Variants in PCDH11X observed in about 807,000 individuals in gnomAD.
PCDH11X encodes protocadherin-11 X-linked.
Under a neutral mutation model 53.3 loss-of-function variants are expected in PCDH11X, and 18 were observed. The ratio of observed to expected loss-of-function variants is 0.34; its 90% CI spans 0.23 to 0.50. The LOEUF is 0.50. Ranked by LOEUF, PCDH11X falls within the 20% of genes least tolerant of loss-of-function variation. The probability of loss-of-function intolerance (pLI) is 0.98; values close to 1 mark genes in which losing one functional copy is unlikely to be tolerated. For missense variants in PCDH11X, 570 were observed against 1,032.4 expected (o/e 0.55, Z 6.14); for synonymous variants, 279 against 393.3 (o/e 0.71, Z 3.44).
At chrX:92,270,112 C>CTTTTTTTTTTT in intron 8 of PCDH11X, among the ~76,000 whole-genome samples, 1 of 95,607 alleles carries the variant, frequency 1.0e-5, no homozygotes. Flanking sequence ...GCTTCCTTTT[C>CTTTTTTTTTTT]TTTTTTTTTT....
At position 92,602,237 on chromosome X, in the gene PCDH11X, C is replaced by G. The variant is rs751606797; in HGVS notation, c.3368-16027C>G. Reference sequence around the variant, plus strand: ...GGGAAGTTCAAGCTAAGGGAGTTGTCAAAAACAGTGGAGATTTTGCTGGTA... The same window carrying G: ...GGGAAGTTCAAGCTAAGGGAGTTGTGAAAAACAGTGGAGATTTTGCTGGTA... On this transcript the variant is annotated intron_variant, in intron 10 of 10. Coordinates refer to ENST00000682573, the MANE Select transcript of PCDH11X (RefSeq NM_032968.5). Among the ~76,000 whole-genome samples, 4 of 111,082 alleles carry G rather than the reference C, an allele frequency of 3.6e-5. No individual in the cohort carries two copies. The East Asian group carries it at 1.1e-3, about 32-fold the overall frequency.
intron 9 of PCDH11X, among the ~76,000 whole-genome samples, chrX:92,389,767 G>A (rs1232232646): frequency 9.0e-6 from 1 of 110,499 alleles, no homozygotes; most frequent in East Asian, 2.8e-4. Context: ...CTTAACAGAA[G>A]CTGATCTTGT....
intron 1 of PCDH11X, among the ~76,000 whole-genome samples, chrX:91,782,372 G>T (rs1935180141): frequency 1.0e-5 from 1 of 96,943 alleles, no homozygotes; most frequent in South Asian, 5.6e-4. Flanking sequence ...TATTCACAGT[G>T]ACTTTACTTA....
chrX:92,195,633 G>A lies in PCDH11X; in HGVS notation c.3034-5742G>A, dbSNP rs187292929. Among the ~76,000 whole-genome samples the A allele has an allele frequency of 3.6e-5, 4 of 110,909 alleles. No homozygotes were observed. In the East Asian group the frequency reaches 1.1e-3, roughly 32 times the overall value. On this transcript the variant is annotated intron_variant, in intron 6 of 10. Coordinates refer to ENST00000682573, the MANE Select transcript of PCDH11X (RefSeq NM_032968.5). ...CATCATTGTAGCTTTGATGATGGCA[G>A]TTATCCTAGAAAAAAAAATGAAGTC...
chrX:91,951,355 G>T (rs1317682901), intron 6 of PCDH11X, among the ~76,000 whole-genome samples: 2 of 110,258 alleles, frequency 1.8e-5, no homozygotes, highest in Non-Finnish European at 3.8e-5. Context: ...GACTTGGAGA[G>T]TAGCCTTTCT....
At chrX:92,597,041 G>A (rs747744967) in intron 10 of PCDH11X, among the ~76,000 whole-genome samples, 2 of 110,987 alleles carry the variant, frequency 1.8e-5, no homozygotes, top group South Asian at 7.5e-4. Flanking sequence ...CATAATAAAA[G>A]CCATATATGA....
intron 6 of PCDH11X, among the ~76,000 whole-genome samples, chrX:92,044,112 AT>A (rs930578657): frequency 9.0e-6 from 1 of 110,682 alleles, no homozygotes; most frequent in African/African-American, 3.3e-5. Flanking sequence ...CAGGATTTGA[AT>A]TTTTTTAATA....
At chrX:92,060,720 A>T (rs1033626366) in intron 6 of PCDH11X, among the ~76,000 whole-genome samples, 8 of 110,788 alleles carry the variant, frequency 7.2e-5, no homozygotes, top group African/African-American at 2.6e-4. Flanking sequence ...TTCTTTACCT[A>T]GTTTAACATT....
chrX:91,864,468 A>T (rs1388895708), intron 5 of PCDH11X, among the ~76,000 whole-genome samples: 4 of 99,776 alleles, frequency 4.0e-5, no homozygotes, highest in African/African-American at 1.5e-4. Flanking sequence ...TTAGGAGTTT[A>T]ATTATTAATT....
intron 6 of PCDH11X, among the ~76,000 whole-genome samples, chrX:91,974,762 T>C (rs912835858): frequency 1.2e-4 from 13 of 109,394 alleles, no homozygotes; most frequent in African/African-American, 4.3e-4. Context: ...TTCTTTTCTT[T>C]TTTTTTTTTG....
chrX:92,046,314 G>C (rs1054474675), intron 6 of PCDH11X, among the ~76,000 whole-genome samples: 3 of 111,578 alleles, frequency 2.7e-5, no homozygotes, highest in Non-Finnish European at 5.7e-5. Context: ...AAGCATGTAG[G>C]TTTTATTTCT....
chrX:92,621,731 A>G lies in PCDH11X; in HGVS notation c.*2791A>G, dbSNP rs1175454329. 1.8e-5 allele frequency: 2 copies of G among 111,742 alleles called. No homozygotes were observed. Among genetic ancestry groups the G allele is most frequent in the African/African-American group, 6.5e-5 (2 of 30,687 alleles). 9.2% of individuals were successfully genotyped at this position (111,742 alleles called of 1,213,427 possible). On this transcript the variant is annotated 3_prime_UTR_variant, in exon 11 of 11. Coordinates refer to ENST00000682573, the MANE Select transcript of PCDH11X (RefSeq NM_032968.5). ...ACACAGCACACAAGTGGCTATTGTG[A>G]TGTATGATGTATGTAGTCCTACAAC...
chrX:92,251,781 T>C (rs957496731), intron 7 of PCDH11X, among the ~76,000 whole-genome samples: 3 of 111,016 alleles, frequency 2.7e-5, no homozygotes, highest in Non-Finnish European at 5.7e-5. Flanking sequence ...ATCATTATCA[T>C]CAATAAGGGT....
chrX:91,864,454 A>G lies in PCDH11X; in HGVS notation c.541-12327A>G, dbSNP rs781227580. On this transcript the variant is annotated intron_variant, in intron 5 of 10. Coordinates refer to ENST00000682573, the MANE Select transcript of PCDH11X (RefSeq NM_032968.5). ...CTTTAGGATCCTTTCTATATCATTGATCTTTAGGAGTTTAATTATTAATTA... is the reference window on the plus strand; with the variant it reads ...CTTTAGGATCCTTTCTATATCATTGGTCTTTAGGAGTTTAATTATTAATTA... 3.1e-3 allele frequency among the ~76,000 whole-genome samples: 307 copies of G among 100,652 alleles called. 3 individuals are homozygous for G. The highest frequency in any genetic ancestry group is 5.4e-3 in the Non-Finnish European group (270 of 50,382). The allele number at this position is 100,652 out of a possible 115,157, so 87.4% of individuals were successfully genotyped here.
In PCDH11X at chrX:91,969,911, T is replaced by C. The variant is rs556742140; in HGVS notation, c.3033+90638T>C. ...ATCCTGATTCTGCCAGTTCTTTTTA[T>C]GTGACTTGGGTAATTTATTGAATCC... On this transcript the variant is annotated intron_variant, in intron 6 of 10. Coordinates refer to ENST00000682573, the MANE Select transcript of PCDH11X (RefSeq NM_032968.5). Among the ~76,000 whole-genome samples the C allele has an allele frequency of 4.5e-5, 5 of 110,912 alleles. No homozygotes were observed. The South Asian group carries it at 1.5e-3, about 34-fold the overall frequency.
rs779830977 is a variant in PCDH11X, at chrX:92,037,732, C to T, written c.3033+158459C>T. Among the ~76,000 whole-genome samples the T allele has an allele frequency of 4.5e-5, 5 of 110,800 alleles. No individual in the cohort carries two copies. The South Asian group carries it at 1.9e-3, about 43-fold the overall frequency. ...TGTTTCTTGACTTTTTAATAATCATCATTCTGACTGGCATGAGATGGTATC... is the reference window on the plus strand; with the variant it reads ...TGTTTCTTGACTTTTTAATAATCATTATTCTGACTGGCATGAGATGGTATC... On this transcript the variant is annotated intron_variant, in intron 6 of 10. Transcript: ENST00000682573.
chrX:92,066,606 T>C (rs920686432), intron 6 of PCDH11X, among the ~76,000 whole-genome samples: 3 of 110,981 alleles, frequency 2.7e-5, no homozygotes, highest in African/African-American at 9.8e-5. Flanking sequence ...CCCTTGTAAA[T>C]GGGATTACTT....
Position 91,877,004 on chromosome X carries a change from A to C in PCDH11X, c.764A>C (p.Glu255Ala). ...CCAGTCTTTAAGGAGACAGAGATTG[A>C]AGTCAGTATACCAGAAAATGCTCCT... Reference protein sequence around the residue: ...NHPVFKETEIEVSIPENAPVG... With the variant: ...NHPVFKETEIAVSIPENAPVG... Residue 255 changes from glutamate to alanine, a missense_variant, in exon 6 of 11, where the codon GAA becomes GCA. Physicochemically the swap from Glu to Ala is moderately radical, Grantham distance 107 (BLOSUM62 -1). Transcript: ENST00000682573. 1 of 1,208,560 alleles carries C rather than the reference A, an allele frequency of 8.3e-7. No individual in the cohort carries two copies.
chrX:92,216,609 C>A (rs2066720276), intron 7 of PCDH11X, among the ~76,000 whole-genome samples: 1 of 96,954 alleles, frequency 1.0e-5, no homozygotes, highest in Admixed American at 1.1e-4. Context: ...GAGAATGGAA[C>A]CAAGTTGGAA....
Sources: gnomAD v4.1 joint callset for allele counts (sites outside exome capture counted in the v4.1 genomes callset) on GRCh38, gnomAD v4.1.1 for gene constraint, MANE v1.5 for transcripts, NCBI Gene and HGNC (gene_info 2026-07-23, HGNC 2026-07-21) for gene names.